MFGE8: variants seen among roughly 807,000 people sequenced by gnomAD.
MFGE8 encodes the protein lactadherin.
Under a neutral mutation model 42.6 loss-of-function variants are expected in MFGE8, and 34 were observed. That is an observed-to-expected ratio of 0.80 (90% confidence interval 0.61 to 1.06). MFGE8 has a LOEUF of 1.06. Ranked by LOEUF, MFGE8 falls within the 50% of genes least tolerant of loss-of-function variation. The pLI, the probability that MFGE8 is intolerant of heterozygous loss-of-function variation, is 0.00. For missense variants in MFGE8, 510 were observed against 516.9 expected (o/e 0.99, Z 0.13); for synonymous variants, 230 against 214.8 (o/e 1.07, Z -0.62).
intron 1 of MFGE8, chr15:88,912,498 C>G (rs1467402671): frequency 5.1e-6 from 5 of 985,408 alleles, no homozygotes; most frequent in East Asian, 2.3e-4. Flanking sequence ...GGCCCTGACT[C>G]CCTCCCAGCG....
rs1277238312 is a variant in MFGE8, at chr15:88,905,486, C to A, written c.685+271G>T. The A allele has an allele frequency of 1.6e-6, 1 of 620,510 alleles. No individual in the cohort carries two copies. The highest frequency in any genetic ancestry group is 3.0e-6 in the Non-Finnish European group (1 of 333,152). 38.4% of individuals were successfully genotyped at this position (620,510 alleles called of 1,614,324 possible). A position where few individuals can be genotyped will look rare whatever the true frequency, so the allele number is the denominator to read the frequency against. Reference sequence around the variant, plus strand: ...TGTTCTAGAAGCTACAGGAGAGGAGCCAACCAGAAGAAGGGAAAATACTTT... The same window carrying A: ...TGTTCTAGAAGCTACAGGAGAGGAGACAACCAGAAGAAGGGAAAATACTTT... On this transcript the variant is annotated intron_variant, in intron 5 of 7. Coordinates refer to ENST00000268150, the MANE Select transcript of MFGE8 (RefSeq NM_005928.4). This position sits in a 1 kb window ranked among gnomAD's most constrained non-coding sequence, Gnocchi z 6.6.
In MFGE8 at chr15:88,905,835, G is replaced by A; in HGVS notation, c.607C>T (p.Gln203Ter). 1 of 1,614,212 alleles carries A rather than the reference G, an allele frequency of 6.2e-7. No homozygotes were observed. The highest frequency in any genetic ancestry group is 8.5e-7 in the Non-Finnish European group (1 of 1,180,044). The change falls in exon 5 of 8, where the codon CAG becomes TAG. Residue 203 changes from glutamine to a stop codon, truncating the protein, a stop_gained. Transcript: ENST00000268150. LOFTEE classifies it high-confidence loss of function. The surrounding 1 kb of genome is among the most constrained non-coding windows in gnomAD (Gnocchi z 6.6). ...VNLFETPVEA[Q>*]YVRLYPTSCH... ...CTCGTGGGGTACAATCTCACGTACT[G>A]AGCCTCCACAGGGGTCTCAAACAGG...
rs1399757140 is a variant in MFGE8 at position 88,913,291 on chromosome 15, A to AGCGCGGCCAGCAGGCGGGG, written c.10_28dup (p.Leu10ProfsTer56). On this transcript the variant is annotated frameshift_variant, in exon 1 of 8. Transcript: ENST00000268150. LOFTEE classifies it high-confidence loss of function. ...GGGGGCGCAGAGCAGCGCGCCGCAC[A>AGCGCGGCCAGCAGGCGGGG]GCGCGGCCAGCAGGCGGGGGCGCGG... The AGCGCGGCCAGCAGGCGGGG allele has an allele frequency of 1.1e-5, 16 of 1,476,636 alleles. No homozygotes were observed. Among genetic ancestry groups the AGCGCGGCCAGCAGGCGGGG allele is most frequent in the Non-Finnish European group, 1.2e-5 (13 of 1,123,270 alleles). The allele number at this position is 1,476,636 out of a possible 1,614,324, so 91.5% of individuals were successfully genotyped here.
Position 88,906,599 on chromosome 15 carries a change from C to G in MFGE8, c.540+27G>C. The G allele has an allele frequency of 6.2e-7, 1 of 1,613,584 alleles. No individual in the cohort carries two copies. Among genetic ancestry groups the G allele is most frequent in the Non-Finnish European group, 8.5e-7 (1 of 1,179,762 alleles). ...ACCTTAGGGGGTATGGACCACAGCC[C>G]TTCTTTCGGGCCCCAACAAGACCTA... On this transcript the variant is annotated intron_variant, in intron 4 of 7. Transcript: ENST00000268150. The surrounding 1 kb of genome is among the most constrained non-coding windows in gnomAD (Gnocchi z 4.2).
At position 88,907,294 on chromosome 15, in the gene MFGE8, C is replaced by T; in HGVS notation, c.288G>A (p.Leu96=). ...GCTCCGGGACCCAATGCTGCAAACC[C>T]AAGAAGGTCACACGCACAGACGAGG... The part of the protein sequence containing the change: ...IAASSVRVTF[L]GLQHWVPELA... The change falls in exon 3 of 8, where the codon TTG becomes TTA. Residue 96 remains leucine (L), a synonymous_variant. Transcript: ENST00000268150. The T allele has an allele frequency of 6.2e-7, 1 of 1,614,194 alleles. No homozygotes were observed. The highest frequency in any genetic ancestry group is 8.5e-7 in the Non-Finnish European group (1 of 1,180,030).
In MFGE8 at chr15:88,901,799, G is replaced by C. The variant is rs1484398877; in HGVS notation, c.686-64C>G. 2.6e-6 allele frequency: 4 copies of C among 1,517,412 alleles called. No individual in the cohort carries two copies. The Admixed American group carries it at 6.8e-5, about 26-fold the overall frequency. 94.0% of individuals were successfully genotyped at this position (1,517,412 alleles called of 1,614,324 possible). A position where few individuals can be genotyped will look rare whatever the true frequency, so the allele number is the denominator to read the frequency against. On this transcript the variant is annotated intron_variant, in intron 5 of 7. Transcript: ENST00000268150. ...ACAGCTCCCAGGGGCAGGAGCACAA[G>C]GCGATGAAGCAGAAAGAACTCTGTG...
chr15:88,910,106 T>C, intron 1 of MFGE8, 183 bp from the exon 2 acceptor site: 2 of 720,674 alleles, frequency 2.8e-6, no homozygotes, highest in Admixed American at 4.5e-5. Context: ...AGGAAGTCCA[T>C]GTGTAGGCGA....
rs1385592846 is a variant in MFGE8, at chr15:88,905,790, G to T, written c.652C>A (p.Leu218Met). ...TCACAGCCCAGTAGCTCAAAGCGCA[G>T]AGTGCAGGCCGTGTGGCAGCTCGTG... ...YPTSCHTACT[L>M]RFELLGCELN... is the part of the protein sequence containing the mutation. Residue 218 changes from leucine (L) to methionine (M), a missense_variant, in exon 5 of 8, where the codon CTG becomes ATG. Leu to Met is a conservative substitution (Grantham distance 15). Coordinates refer to ENST00000268150, the MANE Select transcript of MFGE8 (RefSeq NM_005928.4). The surrounding 1 kb of genome is among the most constrained non-coding windows in gnomAD (Gnocchi z 6.6). The T allele has an allele frequency of 6.2e-7, 1 of 1,614,216 alleles. No individual in the cohort carries two copies. Among genetic ancestry groups the T allele is most frequent in the African/African-American group, 1.3e-5 (1 of 75,064 alleles).
At chr15:88,901,811 G>T in intron 5 of MFGE8, 76 bp from the exon 6 acceptor site, 1 of 1,432,904 alleles carries the variant, frequency 7.0e-7, no homozygotes, top group South Asian at 1.2e-5. Context: ...CGATGAAGCA[G>T]AAAGAACTCT....
chr15:88,912,496 CT>C, intron 1 of MFGE8: 1 of 985,316 alleles, frequency 1.0e-6, no homozygotes, highest in South Asian at 4.7e-5. Flanking sequence ...CTGGCCCTGA[CT>C]CCCTCCCAGC....
rs1373962528 is a variant in MFGE8 at position 88,903,823 on chromosome 15, G to A, written c.685+1934C>T. On this transcript the variant is annotated intron_variant, in intron 5 of 7. Coordinates refer to ENST00000268150, the MANE Select transcript of MFGE8 (RefSeq NM_005928.4). The surrounding 1 kb of genome is among the most constrained non-coding windows in gnomAD (Gnocchi z 4.9). ...CATTTCTAAGAAGCTCCTAGGTGAT[G>A]ACACTGCGGGTCCCTGGGGCTCTTC... The A allele has an allele frequency of 6.6e-6, 1 of 152,312 alleles. No homozygotes were observed. Among genetic ancestry groups the A allele is most frequent in the Non-Finnish European group, 1.5e-5 (1 of 68,122 alleles). The allele number at this position is 152,312 out of a possible 1,614,324, so 9.4% of individuals were successfully genotyped here.
chr15:88,901,752 C>A lies in MFGE8; in HGVS notation c.686-17G>T. 1 of 1,613,770 alleles carries A rather than the reference C, an allele frequency of 6.2e-7. No homozygotes were observed. Among genetic ancestry groups the A allele is most frequent in the Non-Finnish European group, 8.5e-7 (1 of 1,179,840 alleles). On this transcript the variant is annotated splice_polypyrimidine_tract_variant and intron_variant, in intron 5 of 7. Coordinates refer to ENST00000268150, the MANE Select transcript of MFGE8 (RefSeq NM_005928.4). Reference sequence around the variant, plus strand: ...TGGCGCATCCTGCCAGCAAGGTGGGCTGTCATCTGGATCTGGGATCCACAG... The same window carrying A: ...TGGCGCATCCTGCCAGCAAGGTGGGATGTCATCTGGATCTGGGATCCACAG...
intron 6 of MFGE8, chr15:88,900,697 C>T: frequency 1.0e-6 from 1 of 985,398 alleles, no homozygotes; most frequent in Non-Finnish European, 1.2e-6. Context: ...CATCGTCCTG[C>T]CAGCTCTCGG....
At chr15:88,913,185 G>A in intron 1 of MFGE8, 62 bp downstream of exon 1, 3 of 1,473,984 alleles carry the variant, frequency 2.0e-6, no homozygotes, top group Non-Finnish European at 2.7e-6. Context: ...CGGGCGCCGG[G>A]CAAACTTCCG....
At chr15:88,910,956 G>C (rs1400307122) in intron 1 of MFGE8, 1 of 152,246 alleles carries the variant, frequency 6.6e-6, no homozygotes, top group Non-Finnish European at 1.5e-5. Context: ...TCAAGTGTGA[G>C]ATGGGAGTGG....
At position 88,898,913 on chromosome 15, in the gene MFGE8, C is replaced by T. The variant is rs1898231423; in HGVS notation, c.*482G>A. ...GAAGTGTCTTGGGGACAGGGGGCCA[C>T]AGCAGTTGTGGCCACATGGTACCCC... is the stretch of plus-strand genomic sequence containing the variant. On this transcript the variant is annotated 3_prime_UTR_variant, in exon 8 of 8. Transcript: ENST00000268150. The T allele has an allele frequency of 1.8e-5, 4 of 225,088 alleles. No homozygotes were observed. In the South Asian group the frequency reaches 2.2e-4, roughly 12 times the overall value. The allele number at this position is 225,088 out of a possible 1,614,324, so 13.9% of individuals were successfully genotyped here.
In MFGE8 at chr15:88,899,386, A is replaced by T. The variant is rs1477865334; in HGVS notation, c.*9T>A. On this transcript the variant is annotated 3_prime_UTR_variant, in exon 8 of 8. Coordinates refer to ENST00000268150, the MANE Select transcript of MFGE8 (RefSeq NM_005928.4). This position sits in a 1 kb window ranked among gnomAD's most constrained non-coding sequence, Gnocchi z 6.8. Reference sequence around the variant, plus strand: ...GAAAGCAGGAAGACCTGGGGGTGGCAGGTGGCCACTAACAGCCCAGCAGCT... The same window carrying T: ...GAAAGCAGGAAGACCTGGGGGTGGCTGGTGGCCACTAACAGCCCAGCAGCT... The T allele has an allele frequency of 6.2e-7, 1 of 1,613,968 alleles. No individual in the cohort carries two copies. Among genetic ancestry groups the T allele is most frequent in the South Asian group, 1.1e-5 (1 of 91,088 alleles).
intron 6 of MFGE8, 29 bp downstream of exon 6, chr15:88,901,508 TCCCACCCAACCCCA>T: frequency 2.2e-6 from 2 of 924,208 alleles, no homozygotes; most frequent in Non-Finnish European, 3.5e-6. Context: ...TCCCACCTCA[TCCCACCCAACCCCA>T]GCCCCATATC....
chr15:88,912,981 A>T, intron 1 of MFGE8: 1 of 985,404 alleles, frequency 1.0e-6, no homozygotes, highest in Non-Finnish European at 1.2e-6. Context: ...TTCCTTTGTC[A>T]TTATCTGTAA....
Sources: allele counts gnomAD v4.1 joint callset, GRCh38; gene constraint gnomAD v4.1.1; non-coding constraint Gnocchi (gnomAD v3.1); transcripts MANE v1.5; gene names NCBI Gene and HGNC (gene_info 2026-07-23, HGNC 2026-07-21).